Variants in INO80 observed in about 807,000 individuals in gnomAD.
INO80 encodes the protein chromatin-remodeling ATPase INO80.
Under a neutral mutation model 203.4 loss-of-function variants are expected in INO80, and 20 were observed. The observed-to-expected ratio is 0.10, with a 90% CI of 0.07 to 0.14. The LOEUF is 0.14. Among genes scored for constraint, INO80 ranks in the 10% least tolerant of loss-of-function variants. The pLI is 1.00. For synonymous variants in INO80, 726 were observed against 685.2 expected (o/e 1.06, Z -0.93); for missense variants, 1,419 against 1,914.4 (o/e 0.74, Z 4.83).
At chr15:41,058,357 C>T (rs1456971758) in intron 16 of INO80, among the ~76,000 whole-genome samples, 5 of 152,050 alleles carry the variant, frequency 3.3e-5, no homozygotes, top group East Asian at 1.9e-4. Flanking sequence ...GATCATGTCA[C>T]GTCATATTTA....
intron 4 of INO80, among the ~76,000 whole-genome samples, chr15:41,094,751 T>C (rs1232533793): frequency 6.6e-6 from 1 of 152,174 alleles, no homozygotes; most frequent in African/African-American, 2.4e-5. Context: ...CAGTACGTTA[T>C]AACAGGTTGA....
chr15:41,095,477 T>C (rs982578853), intron 4 of INO80, 124 bp downstream of exon 4: 6 of 690,352 alleles, frequency 8.7e-6, no homozygotes, highest in Admixed American at 2.7e-5. Flanking sequence ...AAAAACCACA[T>C]CCAGTATAAG....
chr15:41,007,060 T>C (rs1286227810), intron 27 of INO80, among the ~76,000 whole-genome samples: 1 of 152,108 alleles, frequency 6.6e-6, no homozygotes, highest in Non-Finnish European at 1.5e-5. Flanking sequence ...TCACAGAACG[T>C]TGCAATCAGA....
At chr15:41,041,514 C>T (rs2140511527) in intron 24 of INO80, among the ~76,000 whole-genome samples, 1 of 151,216 alleles carries the variant, frequency 6.6e-6, no homozygotes, top group Non-Finnish European at 1.5e-5. Context: ...GATCTTGGCT[C>T]ATTGCAACCT....
In INO80 at chr15:41,116,021, G is replaced by A. The variant is rs1022431232; in HGVS notation, c.-92C>T. ...CGCGACGGCGGCGGAGGGGGGGCGGGGTGCGGGCGGGGTCCGGAGGGGGGG... is the reference window on the plus strand; with the variant it reads ...CGCGACGGCGGCGGAGGGGGGGCGGAGTGCGGGCGGGGTCCGGAGGGGGGG... On this transcript the variant is annotated 5_prime_UTR_variant, in exon 1 of 36. Transcript: ENST00000648947. 1 of 392,258 alleles carries A rather than the reference G, an allele frequency of 2.5e-6. No individual in the cohort carries two copies. The highest frequency in any genetic ancestry group is 1.3e-4 in the South Asian group (1 of 7,814). The allele number at this position is 392,258 out of a possible 1,614,324, so 24.3% of individuals were successfully genotyped here. A position where few individuals can be genotyped will look rare whatever the true frequency, so the allele number is the denominator to read the frequency against.
chr15:41,004,149 G>A (rs2044003501), intron 28 of INO80, among the ~76,000 whole-genome samples: 1 of 152,200 alleles, frequency 6.6e-6, no homozygotes, highest in Non-Finnish European at 1.5e-5. Context: ...TCCGCTAGGT[G>A]AGAAGCTAGG....
intron 29 of INO80, among the ~76,000 whole-genome samples, chr15:40,991,060 A>G (rs1328136720): frequency 1.3e-5 from 2 of 152,216 alleles, no homozygotes; most frequent in Non-Finnish European, 2.9e-5. Flanking sequence ...GAATTGTTTC[A>G]TAAGTACTGT....
rs2045457060 is a variant in INO80, at chr15:41,079,694, G to A, written c.1131+7C>T. On this transcript the variant is annotated splice_region_variant and intron_variant, in intron 9 of 35. Coordinates refer to ENST00000648947, the MANE Select transcript of INO80 (RefSeq NM_017553.3). ...AGGGTTTTCAAAATGTTATGCTTTTGCCCTACCTCCCGCATTTCCTCATCC... is the reference window on the plus strand; with the variant it reads ...AGGGTTTTCAAAATGTTATGCTTTTACCCTACCTCCCGCATTTCCTCATCC... The A allele has an allele frequency of 2.7e-5, 43 of 1,612,592 alleles. No individual in the cohort carries two copies. The highest frequency in any genetic ancestry group is 3.6e-5 in the Non-Finnish European group (43 of 1,179,050).
intron 24 of INO80, among the ~76,000 whole-genome samples, chr15:41,032,976 T>G (rs1312982756): frequency 6.6e-6 from 1 of 152,056 alleles, no homozygotes; most frequent in African/African-American, 2.4e-5. Context: ...AGGCGGAGGT[T>G]GCAGTGAGCC....
chr15:41,032,022 GCACA>G (rs1453007639), intron 24 of INO80, among the ~76,000 whole-genome samples: 9 of 82,248 alleles, frequency 1.1e-4, no homozygotes, highest in African/African-American at 3.0e-4. Context: ...GCACAGCACA[GCACA>G]GCACAGCACA....
chr15:40,985,362 C>T lies in INO80; in HGVS notation c.3897G>A (p.Arg1299=). ...CCTTCTCTGCATACTTTTCCCGCTTCCGCTTGCGCTCTTTCACTCGGTTGG... is the reference window on the plus strand; with the variant it reads ...CCTTCTCTGCATACTTTTCCCGCTTTCGCTTGCGCTCTTTCACTCGGTTGG... The part of the protein sequence containing the change: ...EETNRVKERK[R]KREKYAEKKK... Residue 1299 remains arginine (R), a synonymous_variant, in exon 32 of 36, where the codon CGG becomes CGA. Coordinates refer to ENST00000648947, the MANE Select transcript of INO80 (RefSeq NM_017553.3). The T allele has an allele frequency of 1.2e-6, 2 of 1,614,028 alleles. No homozygotes were observed. Among genetic ancestry groups the T allele is most frequent in the Non-Finnish European group, 1.7e-6 (2 of 1,179,938 alleles).
chr15:41,027,831 G>A, intron 24 of INO80, 95 bp from the exon 25 acceptor site: 2 of 909,842 alleles, frequency 2.2e-6, no homozygotes, highest in South Asian at 3.9e-5. Flanking sequence ...CTAACTTTAA[G>A]AGCTTTCTTC....
chr15:41,097,904 G>C (rs1206090277), intron 1 of INO80, among the ~76,000 whole-genome samples: 2 of 152,166 alleles, frequency 1.3e-5, no homozygotes, highest in Non-Finnish European at 1.5e-5. Context: ...AGTGAGCCGA[G>C]ACTGTGCCAC....
At chr15:41,068,109 A>G (rs2045251774) in intron 14 of INO80, among the ~76,000 whole-genome samples, 1 of 152,188 alleles carries the variant, frequency 6.6e-6, no homozygotes, top group Non-Finnish European at 1.5e-5. Flanking sequence ...AAGACTAGAG[A>G]TCAGACTTTA....
chr15:41,115,198 G>A (rs933873550), intron 1 of INO80, among the ~76,000 whole-genome samples: 1 of 152,160 alleles, frequency 6.6e-6, no homozygotes, highest in Non-Finnish European at 1.5e-5. Context: ...TCAAACTAGA[G>A]ACAGTGTGTG....
At chr15:40,994,163 T>C (rs2043850380) in intron 29 of INO80, among the ~76,000 whole-genome samples, 2 of 152,166 alleles carry the variant, frequency 1.3e-5, no homozygotes, top group Admixed American at 6.6e-5. Context: ...CCTTAGGGCT[T>C]TGCACTTATC....
rs371994831 is a variant in INO80 at position 40,983,152 on chromosome 15, C to A, written c.4238-75G>T. ...CTCCAAGATGTTAACATCACCTTCT[C>A]CTGACAGGGAAAGCGAGCTCTTAGG... is the stretch of plus-strand genomic sequence containing the variant. On this transcript the variant is annotated intron_variant, in intron 34 of 35. Coordinates refer to ENST00000648947, the MANE Select transcript of INO80 (RefSeq NM_017553.3). 1.7e-5 allele frequency: 21 copies of A among 1,245,786 alleles called. No homozygotes were observed. The East Asian group carries it at 5.0e-4, about 29-fold the overall frequency. 77.2% of individuals were successfully genotyped at this position (1,245,786 alleles called of 1,614,324 possible). A position where few individuals can be genotyped will look rare whatever the true frequency, so the allele number is the denominator to read the frequency against.
At chr15:41,013,060 T>C in intron 27 of INO80, 1 of 131,650 alleles carries the variant, frequency 7.6e-6, no homozygotes, top group East Asian at 2.1e-4. Flanking sequence ...CAGCCAGCCA[T>C]GGCTAAGGCA....
intron 24 of INO80, among the ~76,000 whole-genome samples, chr15:41,044,631 A>G (rs909741419): frequency 8.5e-5 from 13 of 152,204 alleles, no homozygotes; most frequent in Non-Finnish European, 1.8e-4. Context: ...GTTGTTACAC[A>G]AGTGTATACA....
Sources: gnomAD v4.1 joint callset for allele counts (sites outside exome capture counted in the v4.1 genomes callset) on GRCh38, gnomAD v4.1.1 for gene constraint, MANE v1.5 for transcripts, NCBI Gene and HGNC (gene_info 2026-07-23, HGNC 2026-07-21) for gene names.